NKAIN2: variants seen among roughly 807,000 people sequenced by gnomAD.
The protein encoded by NKAIN2 is sodium/potassium transporting ATPase interacting 2, also known as sodium/potassium-transporting ATPase subunit beta-1-interacting protein 2.
A neutral mutation model predicts 32.6 loss-of-function variants in NKAIN2; 14 were observed. That is an observed-to-expected ratio of 0.43 (90% CI 0.28 to 0.67). The LOEUF is 0.67. Among genes scored for constraint, NKAIN2 ranks in the 30% least tolerant of loss-of-function variants. The pLI is 0.17. For missense variants in NKAIN2, 198 were observed against 258.3 expected, an observed-to-expected ratio of 0.77 and a Z score of 1.60; for synonymous variants, 80 against 87.2, an observed-to-expected ratio of 0.92 and a Z score of 0.46.
chr6:124,774,639 C>T (rs981005403), intron 4 of NKAIN2, among the ~76,000 whole-genome samples: 11 of 151,808 alleles, frequency 7.2e-5, no homozygotes, highest in Admixed American at 3.3e-4. Flanking sequence ...GCAGACCACC[C>T]AAGGTTTGGA....
At chr6:124,477,802 C>G (rs1440841479) in intron 3 of NKAIN2, among the ~76,000 whole-genome samples, 1 of 132,172 alleles carries the variant, frequency 7.6e-6, no homozygotes, top group Non-Finnish European at 1.6e-5. Flanking sequence ...CTTCCCCTTC[C>G]CCCCTCCTCT....
intron 1 of NKAIN2, among the ~76,000 whole-genome samples, chr6:123,929,425 A>G (rs1041630301): frequency 1.3e-5 from 2 of 152,096 alleles, no homozygotes; most frequent in African/African-American, 4.8e-5. Flanking sequence ...CTGGCATTCT[A>G]TGCAGAAATC....
intron 4 of NKAIN2, among the ~76,000 whole-genome samples, chr6:124,760,766 T>C (rs1012181965): frequency 1.3e-5 from 2 of 152,182 alleles, no homozygotes; most frequent in Admixed American, 1.3e-4. Context: ...TCTGTCCACA[T>C]CTGCAATAGC....
At chr6:123,920,870 G>C (rs1198642263) in intron 1 of NKAIN2, among the ~76,000 whole-genome samples, 1 of 152,140 alleles carries the variant, frequency 6.6e-6, no homozygotes, top group Non-Finnish European at 1.5e-5. Context: ...CATTGCAAAA[G>C]ATGTCAGACA....
intron 1 of NKAIN2, among the ~76,000 whole-genome samples, chr6:124,252,482 G>T (rs1261304793): frequency 6.6e-6 from 1 of 151,994 alleles, no homozygotes; most frequent in East Asian, 1.9e-4. Context: ...GAAAATGGGG[G>T]TGGATAGGCA....
intron 3 of NKAIN2, among the ~76,000 whole-genome samples, chr6:124,446,456 C>T (rs796586031): frequency 5.3e-5 from 8 of 152,202 alleles, no homozygotes; most frequent in African/African-American, 1.9e-4. Flanking sequence ...GATCCTCCCA[C>T]CTCAGCTTCC....
intron 4 of NKAIN2, among the ~76,000 whole-genome samples, chr6:124,763,550 C>G (rs1189046813): frequency 6.6e-6 from 1 of 152,206 alleles, no homozygotes; most frequent in Non-Finnish European, 1.5e-5. Context: ...ATAATCCAAT[C>G]ATCTCCCACC....
intron 4 of NKAIN2, 78 bp downstream of exon 4, chr6:124,658,464 T>C: frequency 6.2e-7 from 1 of 1,604,836 alleles, no homozygotes; most frequent in Non-Finnish European, 8.5e-7. Flanking sequence ...TGCACACAAA[T>C]GGAATCTGTG....
chr6:124,423,220 T>G (rs1282386708), intron 3 of NKAIN2, among the ~76,000 whole-genome samples: 4 of 152,202 alleles, frequency 2.6e-5, no homozygotes, highest in Non-Finnish European at 5.9e-5. Flanking sequence ...TCATATGAAC[T>G]ATTACTATTA....
chr6:124,408,019 A>C (rs1373810488), intron 3 of NKAIN2, among the ~76,000 whole-genome samples: 2 of 151,870 alleles, frequency 1.3e-5, no homozygotes, highest in African/African-American at 4.8e-5. Flanking sequence ...TGTTCATATT[A>C]TTTGCCCACT....
At chr6:124,809,667 A>C (rs1780784827) in intron 5 of NKAIN2, among the ~76,000 whole-genome samples, 2 of 151,134 alleles carry the variant, frequency 1.3e-5, no homozygotes, top group Admixed American at 1.3e-4. Context: ...TCTGCACAGC[A>C]AAAGAAACTA....
chr6:124,595,778 T>C (rs1782063309), intron 3 of NKAIN2, among the ~76,000 whole-genome samples: 1 of 152,168 alleles, frequency 6.6e-6, no homozygotes. Context: ...TATTAAGTAG[T>C]GCAGCGATTA....
intron 1 of NKAIN2, among the ~76,000 whole-genome samples, chr6:124,244,795 C>T (rs1793305669): frequency 6.6e-6 from 1 of 151,918 alleles, no homozygotes; most frequent in Middle Eastern, 3.4e-3. Flanking sequence ...TAAATAAATA[C>T]CTTGTTGAAT....
intron 1 of NKAIN2, among the ~76,000 whole-genome samples, chr6:123,911,241 A>C (rs752132869): frequency 1.4e-4 from 21 of 152,128 alleles, no homozygotes; most frequent in Non-Finnish European, 2.9e-4. Flanking sequence ...AGGTTGGATA[A>C]TTTTTAAAGA....
intron 4 of NKAIN2, among the ~76,000 whole-genome samples, chr6:124,787,039 CCT>C (rs1344862707): frequency 6.6e-6 from 1 of 152,000 alleles, no homozygotes; most frequent in Non-Finnish European, 1.5e-5. Flanking sequence ...TCTCCGTACC[CCT>C]CTTTATTCCA....
chr6:124,726,436 C>T (rs1265274809), intron 4 of NKAIN2, among the ~76,000 whole-genome samples: 4 of 152,138 alleles, frequency 2.6e-5, no homozygotes, highest in African/African-American at 7.2e-5. Context: ...AGGCACCCCC[C>T]AGCAGGGGCA....
At chr6:124,710,393 T>C (rs1271386867) in intron 4 of NKAIN2, among the ~76,000 whole-genome samples, 4 of 151,350 alleles carry the variant, frequency 2.6e-5, no homozygotes, top group African/African-American at 7.3e-5. Context: ...CTTGTTGACT[T>C]TCTGTCTCGT....
chr6:124,667,908 A>G (rs1772886633), intron 4 of NKAIN2, among the ~76,000 whole-genome samples: 1 of 152,158 alleles, frequency 6.6e-6, no homozygotes. Context: ...TGCTTTTACC[A>G]ATCTTATAAA....
At chr6:123,950,026 T>G (rs1246780993) in intron 1 of NKAIN2, among the ~76,000 whole-genome samples, 1 of 151,896 alleles carries the variant, frequency 6.6e-6, no homozygotes, top group Non-Finnish European at 1.5e-5. Flanking sequence ...TTTTATCAAA[T>G]TTTTTTGCAT....
Sources: allele counts gnomAD v4.1 joint callset (sites outside exome capture counted in the v4.1 genomes callset), GRCh38; gene constraint gnomAD v4.1.1; transcripts MANE v1.5; gene names NCBI Gene and HGNC (gene_info 2026-07-23, HGNC 2026-07-21).